The following MMAB variants were observed in gnomAD, a reference collection of about 807,000 sequenced individuals.
MMAB encodes the protein metabolism of cobalamin associated B.
Under a neutral mutation model 30.6 loss-of-function variants are expected in MMAB, and 17 were observed. The observed-to-expected ratio is 0.56, with a 90% CI of 0.38 to 0.83. The LOEUF is 0.83. MMAB is among the 40% of genes least tolerant of loss of function. The pLI is 0.00. For synonymous variants in MMAB, 134 were observed against 138.6 expected, an observed-to-expected ratio of 0.97 and a Z score of 0.23; for missense variants, 311 against 331.6, an observed-to-expected ratio of 0.94 and a Z score of 0.48.
Position 109,555,474 on chromosome 12 carries a change from A to C in MMAB, c.*1554T>G. 1 of 262,478 alleles carries C rather than the reference A, an allele frequency of 3.8e-6. No homozygotes were observed. Among genetic ancestry groups the C allele is most frequent in the Non-Finnish European group, 6.9e-6 (1 of 145,672 alleles). The allele number at this position is 262,478 out of a possible 1,614,324, so 16.3% of individuals were successfully genotyped here. On this transcript the variant is annotated 3_prime_UTR_variant, in exon 9 of 9. Coordinates refer to ENST00000545712, the MANE Select transcript of MMAB (RefSeq NM_052845.4). Reference sequence around the variant, plus strand: ...ATTTTTTTTTTTTTTTTTTTTTTTTAGCAGAAATGGGGTTTTACCATGTTG... The same window carrying C: ...ATTTTTTTTTTTTTTTTTTTTTTTTCGCAGAAATGGGGTTTTACCATGTTG...
intron 8 of MMAB, among the ~76,000 whole-genome samples, chr12:109,557,935 G>A (rs531908228): frequency 2.6e-5 from 4 of 152,298 alleles, no homozygotes; most frequent in South Asian, 4.1e-4. Flanking sequence ...ACGACGCCAC[G>A]GGCCCCAGAA....
chr12:109,571,315 CT>C (rs2136210471), intron 2 of MMAB, among the ~76,000 whole-genome samples: 2 of 151,390 alleles, frequency 1.3e-5, no homozygotes, highest in South Asian at 4.2e-4. Context: ...GTGGCATGAT[CT>C]TGGCTCACTG....
Position 109,555,290 on chromosome 12 carries a change from T to G in MMAB, c.*1738A>C, listed in dbSNP as rs1271650523. ...CGTTTTCAGGGTTTTTTTTTTTTTT[T>G]TTTTTTTTTTGTGACGGAGTCTCAC... On this transcript the variant is annotated 3_prime_UTR_variant, in exon 9 of 9. Transcript: ENST00000545712. 2 of 418,656 alleles carry G rather than the reference T, an allele frequency of 4.8e-6. No individual in the cohort carries two copies. Among genetic ancestry groups the G allele is most frequent in the Admixed American group, 2.7e-5 (1 of 37,270 alleles). The allele number at this position is 418,656 out of a possible 1,614,324, so 25.9% of individuals were successfully genotyped here. A position where few individuals can be genotyped will look rare whatever the true frequency, so the allele number is the denominator to read the frequency against.
chr12:109,555,717 G>A lies in MMAB; in HGVS notation c.*1311C>T, dbSNP rs1401852922. ...CACCCACCCTGCCCAAGGCTCAAGA[G>A]GGCCATCACAGCCTGTCAGCAATGA... On this transcript the variant is annotated 3_prime_UTR_variant, in exon 9 of 9. Transcript: ENST00000545712. The A allele has an allele frequency of 4.4e-6, 2 of 453,766 alleles. No individual in the cohort carries two copies. Among genetic ancestry groups the A allele is most frequent in the African/African-American group, 2.0e-5 (1 of 49,932 alleles). 28.1% of individuals were successfully genotyped at this position (453,766 alleles called of 1,614,324 possible). A position where few individuals can be genotyped will look rare whatever the true frequency, so the allele number is the denominator to read the frequency against.
chr12:109,555,279 T>G lies in MMAB; in HGVS notation c.*1749A>C, dbSNP rs913894112. On this transcript the variant is annotated 3_prime_UTR_variant, in exon 9 of 9. Coordinates refer to ENST00000545712, the MANE Select transcript of MMAB (RefSeq NM_052845.4). ...CTTAGTGATTGCGTTTTCAGGGTTT[T>G]TTTTTTTTTTTTTTTTTTTTTGTGA... 2.4e-5 allele frequency: 5 copies of G among 205,768 alleles called. No homozygotes were observed. Among genetic ancestry groups the G allele is most frequent in the East Asian group, 8.7e-5 (1 of 11,538 alleles). The allele number at this position is 205,768 out of a possible 1,614,324, so 12.7% of individuals were successfully genotyped here. A position where few individuals can be genotyped will look rare whatever the true frequency, so the allele number is the denominator to read the frequency against.
At chr12:109,572,613 T>C (rs979222176) in intron 1 of MMAB, among the ~76,000 whole-genome samples, 5 of 151,946 alleles carry the variant, frequency 3.3e-5, no homozygotes, top group East Asian at 1.9e-4. Context: ...TGCAGTGCAG[T>C]GGCATGATCA....
chr12:109,554,830 C>A lies in MMAB; in HGVS notation c.*2198G>T, dbSNP rs1202383045. 2.2e-6 allele frequency: 1 copy of A among 454,002 alleles called. No individual in the cohort carries two copies. The highest frequency in any genetic ancestry group is 2.0e-5 in the African/African-American group (1 of 50,128). 28.1% of individuals were successfully genotyped at this position (454,002 alleles called of 1,614,324 possible). A position where few individuals can be genotyped will look rare whatever the true frequency, so the allele number is the denominator to read the frequency against. ...CACCCCATCCTTCCAGCCCCCAAAG[C>A]AAGCTTTCTCCATTTTTCCCAGGTT... On this transcript the variant is annotated 3_prime_UTR_variant, in exon 9 of 9. Coordinates refer to ENST00000545712, the MANE Select transcript of MMAB (RefSeq NM_052845.4).
rs1297354074 is a variant in MMAB at position 109,554,364 on chromosome 12, T to C, written c.*2664A>G. 1 of 454,022 alleles carries C rather than the reference T, an allele frequency of 2.2e-6. No homozygotes were observed. Among genetic ancestry groups the C allele is most frequent in the Admixed American group, 2.3e-5 (1 of 42,574 alleles). The allele number at this position is 454,022 out of a possible 1,614,324, so 28.1% of individuals were successfully genotyped here. ...GCCAGCTTGTCTCTGGAAATGACAC[T>C]AAACACCCCATTCCAGGGAGCCTGA... On this transcript the variant is annotated 3_prime_UTR_variant, in exon 9 of 9. Coordinates refer to ENST00000545712, the MANE Select transcript of MMAB (RefSeq NM_052845.4).
At chr12:109,567,607 G>A (rs964312049) in intron 3 of MMAB, among the ~76,000 whole-genome samples, 1 of 152,160 alleles carries the variant, frequency 6.6e-6, no homozygotes, top group East Asian at 1.9e-4. Flanking sequence ...GCTGAAATGT[G>A]AATAAATGGA....
rs1883924885 is a variant in MMAB at position 109,555,275 on chromosome 12, G to GTTTTGTTTTTTTTTT, written c.*1752_*1753insAAAAAAAAAACAAAA. On this transcript the variant is annotated 3_prime_UTR_variant, in exon 9 of 9. Coordinates refer to ENST00000545712, the MANE Select transcript of MMAB (RefSeq NM_052845.4). ...GAGCCTTAGTGATTGCGTTTTCAGG[G>GTTTTGTTTTTTTTTT]TTTTTTTTTTTTTTTTTTTTTTTTT... 3.8e-6 allele frequency: 1 copy of GTTTTGTTTTTTTTTT among 264,668 alleles called. No homozygotes were observed. The highest frequency in any genetic ancestry group is 4.0e-5 in the African/African-American group (1 of 25,026). 16.4% of individuals were successfully genotyped at this position (264,668 alleles called of 1,614,324 possible). A position where few individuals can be genotyped will look rare whatever the true frequency, so the allele number is the denominator to read the frequency against.
rs1201196622 is a variant in MMAB, at chr12:109,554,123, G to A, written c.*2905C>T. 2 of 454,028 alleles carry A rather than the reference G, an allele frequency of 4.4e-6. No homozygotes were observed. Among genetic ancestry groups the A allele is most frequent in the South Asian group, 3.1e-5 (2 of 64,478 alleles). 28.1% of individuals were successfully genotyped at this position (454,028 alleles called of 1,614,324 possible). A position where few individuals can be genotyped will look rare whatever the true frequency, so the allele number is the denominator to read the frequency against. The stretch of plus-strand genomic sequence containing the variant: ...TGGGAGCTGAGGAGCACGGGGCTGT[G>A]AGTGACGAGGCCGCGTCCGGGGCTC... On this transcript the variant is annotated 3_prime_UTR_variant, in exon 9 of 9. Transcript: ENST00000545712.
At chr12:109,566,656 G>A (rs892162388) in intron 3 of MMAB, among the ~76,000 whole-genome samples, 1 of 152,198 alleles carries the variant, frequency 6.6e-6, no homozygotes, top group African/African-American at 2.4e-5. Flanking sequence ...TGCAGCTCAG[G>A]AAGGTGGGGC....
In MMAB at chr12:109,561,742, T is replaced by C; in HGVS notation, c.421+38A>G. On this transcript the variant is annotated intron_variant, in intron 5 of 8. Coordinates refer to ENST00000545712, the MANE Select transcript of MMAB (RefSeq NM_052845.4). This position sits in a 1 kb window ranked among gnomAD's most constrained non-coding sequence, Gnocchi z 5.3. Reference sequence around the variant, plus strand: ...TGACCCTAGGAGAGTCCCCTGACCCTAGGGCCCTCTGAACACCCACAGGAG... The same window carrying C: ...TGACCCTAGGAGAGTCCCCTGACCCCAGGGCCCTCTGAACACCCACAGGAG... 2 of 1,559,690 alleles carry C rather than the reference T, an allele frequency of 1.3e-6. No individual in the cohort carries two copies. The highest frequency in any genetic ancestry group is 1.7e-6 in the Non-Finnish European group (2 of 1,143,172).
intron 2 of MMAB, 105 bp from the exon 3 acceptor site, chr12:109,568,968 T>C: frequency 1.2e-6 from 1 of 869,300 alleles, no homozygotes; most frequent in East Asian, 2.6e-5. Flanking sequence ...TTCTCTTTTT[T>C]GAACAGTCAC....
rs746823302 is a variant in MMAB at position 109,555,275 on chromosome 12, GTTTTT to G, written c.*1748_*1752del. On this transcript the variant is annotated 3_prime_UTR_variant, in exon 9 of 9. Transcript: ENST00000545712. ...GAGCCTTAGTGATTGCGTTTTCAGG[GTTTTT>G]TTTTTTTTTTTTTTTTTTTTGTGAC... is the stretch of plus-strand genomic sequence containing the variant. 9.5e-3 allele frequency: 3,211 copies of G among 338,620 alleles called. 1 individual carries two copies. Among genetic ancestry groups the G allele is most frequent in the Middle Eastern group, 0.016 (16 of 1,030 alleles). 21.0% of individuals were successfully genotyped at this position (338,620 alleles called of 1,614,324 possible).
Position 109,558,603 on chromosome 12 carries a change from C to G in MMAB, c.644+493G>C, listed in dbSNP as rs1884069623. 1.3e-5 allele frequency among the ~76,000 whole-genome samples: 2 copies of G among 152,108 alleles called. No individual in the cohort carries two copies. ...GGGCCGGCCGCGAGGCAGAGGAAGC[C>G]CTCCCTGGGCTAGCCTGGCTCACTG... On this transcript the variant is annotated intron_variant, in intron 8 of 8. Coordinates refer to ENST00000545712, the MANE Select transcript of MMAB (RefSeq NM_052845.4). The surrounding 1 kb of genome is among the most constrained non-coding windows in gnomAD (Gnocchi z 4.3).
rs534465410 is a variant in MMAB, at chr12:109,561,390, C to T, written c.519+30G>A. The T allele has an allele frequency of 1.2e-5, 19 of 1,547,868 alleles. No individual in the cohort carries two copies. Among genetic ancestry groups the T allele is most frequent in the South Asian group, 8.3e-5 (7 of 83,986 alleles). On this transcript the variant is annotated intron_variant, in intron 6 of 8. Coordinates refer to ENST00000545712, the MANE Select transcript of MMAB (RefSeq NM_052845.4). This position sits in a 1 kb window ranked among gnomAD's most constrained non-coding sequence, Gnocchi z 5.3. ...GTCTGTCACTGAACCTGCCTGCAGC[C>T]GCCCCCGGTTAAGCCTGCCCAGTAC...
chr12:109,571,454 A>G (rs1884623273), intron 2 of MMAB, among the ~76,000 whole-genome samples, 195 bp downstream of exon 2: 1 of 152,098 alleles, frequency 6.6e-6, no homozygotes, highest in Non-Finnish European at 1.5e-5. Flanking sequence ...GTTTCACCAC[A>G]TTGGCCAGGC....
intron 7 of MMAB, 117 bp downstream of exon 7, chr12:109,560,923 C>A: frequency 9.8e-7 from 1 of 1,019,764 alleles, no homozygotes; most frequent in Non-Finnish European, 1.5e-6. Flanking sequence ...CTCCTGCCCG[C>A]TGTGCAGAGG....
Sources: allele counts gnomAD v4.1 joint callset (sites outside exome capture counted in the v4.1 genomes callset), GRCh38; gene constraint gnomAD v4.1.1; non-coding constraint Gnocchi (gnomAD v3.1); transcripts MANE v1.5; gene names NCBI Gene and HGNC (gene_info 2026-07-23, HGNC 2026-07-21).